The following ADAMTS6 variants were observed in gnomAD, a reference collection of about 807,000 sequenced individuals.
ADAMTS6 encodes the protein ADAM metallopeptidase with thrombospondin type 1 motif 6.
In ADAMTS6, 23 loss-of-function variants were observed where a neutral mutation model predicts 144.3. That is an observed-to-expected ratio of 0.16 (90% CI 0.11 to 0.23). The LOEUF is 0.23. Ranked by LOEUF, ADAMTS6 falls within the 10% of genes least tolerant of loss-of-function variation. ADAMTS6 has a pLI of 1.00. For missense variants in ADAMTS6, 999 were observed against 1,379.6 expected (o/e 0.72, Z 4.37); for synonymous variants, 444 against 457.5 (o/e 0.97, Z 0.38).
At chr5:65,376,667 C>CA (rs1453001932) in intron 7 of ADAMTS6, among the ~76,000 whole-genome samples, 4 of 151,756 alleles carry the variant, frequency 2.6e-5, no homozygotes, top group African/African-American at 9.7e-5. Flanking sequence ...CCCATCTCCA[C>CA]AAAAAATACA....
At position 65,470,951 on chromosome 5, in the gene ADAMTS6, G is replaced by A. The variant is rs766828105; in HGVS notation, c.289C>T (p.His97Tyr). The A allele has an allele frequency of 8.7e-6, 14 of 1,613,240 alleles. No individual in the cohort carries two copies. Among genetic ancestry groups the A allele is most frequent in the Non-Finnish European group, 1.2e-5 (14 of 1,179,700 alleles). Reference protein sequence around the residue: ...FKLSAYGKHFHLNLTLNTDFV... With the variant: ...FKLSAYGKHFYLNLTLNTDFV... The stretch of plus-strand genomic sequence containing the variant: ...TCTGTGTTGAGAGTCAAGTTTAGAT[G>A]AAAGTGCTTGCCATAGGCTGAAAGT... The change falls in exon 3 of 25, where the codon CAT (histidine) becomes TAT (tyrosine). Residue 97 changes from histidine (H) to tyrosine (Y), a missense_variant. By Grantham distance (83) the His-to-Tyr change is moderately conservative. Around this residue, in one of 3 missense-constraint regions of ADAMTS6, gnomAD observed 252 missense variants for 293.7 expected, o/e 0.86. Coordinates refer to ENST00000381055, the MANE Select transcript of ADAMTS6 (RefSeq NM_197941.4).
At chr5:65,241,809 A>G (rs191007005) in intron 15 of ADAMTS6, among the ~76,000 whole-genome samples, 1 of 152,318 alleles carries the variant, frequency 6.6e-6, no homozygotes, top group Non-Finnish European at 1.5e-5. Context: ...AGAACTCAAA[A>G]AATACTACAT....
At chr5:65,260,719 G>GTA in intron 13 of ADAMTS6, 56 bp from the exon 14 acceptor site, 1 of 1,338,666 alleles carries the variant, frequency 7.5e-7, no homozygotes, top group Non-Finnish European at 1.1e-6. Context: ...CATACAAAGA[G>GTA]TATATATATT....
intron 14 of ADAMTS6, among the ~76,000 whole-genome samples, chr5:65,252,188 C>T (rs549461548): frequency 1.3e-3 from 204 of 152,178 alleles, no homozygotes; most frequent in Non-Finnish European, 1.7e-3. Context: ...TAAAGTATTC[C>T]TTTTTGGTTG....
chr5:65,409,785 A>G (rs1344082911), intron 7 of ADAMTS6, among the ~76,000 whole-genome samples: 2 of 152,200 alleles, frequency 1.3e-5, no homozygotes. Flanking sequence ...AGCACATCAA[A>G]AAGTTTATTC....
chr5:65,289,609 A>G lies in ADAMTS6; in HGVS notation c.1512+1720T>C, dbSNP rs143953042. Among the ~76,000 whole-genome samples the G allele has an allele frequency of 2.6e-3, 396 of 152,338 alleles. 3 individuals are homozygous for G. The highest frequency in any genetic ancestry group is 9.0e-3 in the African/African-American group (376 of 41,576). On this transcript the variant is annotated intron_variant, in intron 11 of 24. Transcript: ENST00000381055. Reference sequence around the variant, plus strand: ...GTATTCTTTATCTCATTTCAAATCAATTAGTCTGAACTGAATTAGATATAT... The same window carrying G: ...GTATTCTTTATCTCATTTCAAATCAGTTAGTCTGAACTGAATTAGATATAT...
intron 9 of ADAMTS6, among the ~76,000 whole-genome samples, chr5:65,322,102 C>T (rs1056988491): frequency 2.0e-5 from 3 of 152,076 alleles, no homozygotes; most frequent in African/African-American, 7.2e-5. Flanking sequence ...GCCAGTTATC[C>T]TAGCAGCATT....
At chr5:65,452,042 A>G (rs1580739852) in intron 6 of ADAMTS6, 91 bp downstream of exon 6, 2 of 1,040,900 alleles carry the variant, frequency 1.9e-6, no homozygotes, top group Non-Finnish European at 1.3e-6. Flanking sequence ...AATAGAAGCA[A>G]TAATAAAACA....
chr5:65,428,276 T>C (rs757948908), intron 7 of ADAMTS6, among the ~76,000 whole-genome samples: 32 of 151,958 alleles, frequency 2.1e-4, no homozygotes, highest in Non-Finnish European at 3.5e-4. Context: ...ACATTTTCCT[T>C]GTTTTAAGAA....
At chr5:65,239,270 A>AG (rs1758959206) in intron 15 of ADAMTS6, among the ~76,000 whole-genome samples, 1 of 152,022 alleles carries the variant, frequency 6.6e-6, no homozygotes, top group South Asian at 2.1e-4. Context: ...GTATAAAAAA[A>AG]AAAAAAACTG....
At chr5:65,230,593 CATG>C (rs1256150941) in intron 15 of ADAMTS6, among the ~76,000 whole-genome samples, 2 of 118,268 alleles carry the variant, frequency 1.7e-5, no homozygotes, top group Non-Finnish European at 1.6e-5. Context: ...ATATATAATA[CATG>C]ATATATATGA....
intron 7 of ADAMTS6, among the ~76,000 whole-genome samples, chr5:65,391,983 G>A (rs1487445062): frequency 9.2e-5 from 14 of 152,056 alleles, no homozygotes; most frequent in South Asian, 2.1e-4. Flanking sequence ...TGATCCACCC[G>A]TCTCGGCCTC....
At chr5:65,475,218 T>C (rs1207929740) in intron 1 of ADAMTS6, among the ~76,000 whole-genome samples, 2 of 152,176 alleles carry the variant, frequency 1.3e-5, no homozygotes, top group Non-Finnish European at 2.9e-5. Context: ...AATTAACTTA[T>C]GTGAAACACT....
chr5:65,340,244 A>T lies in ADAMTS6; in HGVS notation c.1074-6159T>A, dbSNP rs1020880214. ...ATTTAAAGCACTGAAAGAAAAAAAA[A>T]ATATGCCACCAAAGAATAGTATACC... On this transcript the variant is annotated intron_variant, in intron 7 of 24. Coordinates refer to ENST00000381055, the MANE Select transcript of ADAMTS6 (RefSeq NM_197941.4). Among the ~76,000 whole-genome samples the T allele has an allele frequency of 3.3e-5, 5 of 152,238 alleles. No individual in the cohort carries two copies. In the East Asian group the frequency reaches 5.8e-4, roughly 18 times the overall value.
chr5:65,318,353 A>C (rs1472112279), intron 9 of ADAMTS6, among the ~76,000 whole-genome samples: 1 of 152,210 alleles, frequency 6.6e-6, no homozygotes, highest in African/African-American at 2.4e-5. Context: ...TAGAACTACC[A>C]TATGATCCAG....
intron 12 of ADAMTS6, among the ~76,000 whole-genome samples, chr5:65,269,093 T>C (rs1761859491): frequency 6.6e-6 from 1 of 152,202 alleles, no homozygotes; most frequent in South Asian, 2.1e-4. Flanking sequence ...CTCATGCTTA[T>C]ACTCTCTACT....
At chr5:65,194,489 G>A (rs1755212012) in intron 21 of ADAMTS6, among the ~76,000 whole-genome samples, 1 of 152,180 alleles carries the variant, frequency 6.6e-6, no homozygotes, top group African/African-American at 2.4e-5. Flanking sequence ...ATGTTCAGTA[G>A]GTTAGGTGAA....
intron 15 of ADAMTS6, among the ~76,000 whole-genome samples, chr5:65,232,771 A>AAT (rs1758360920): frequency 2.0e-5 from 3 of 152,058 alleles, no homozygotes; most frequent in Admixed American, 1.3e-4. Context: ...CCAAACATTT[A>AAT]AAGAAGAATT....
intron 14 of ADAMTS6, among the ~76,000 whole-genome samples, chr5:65,247,331 T>C (rs1759717521): frequency 6.6e-6 from 1 of 152,208 alleles, no homozygotes; most frequent in African/African-American, 2.4e-5. Flanking sequence ...CTCAATACTT[T>C]GTACTGGTAG....
Sources: allele counts gnomAD v4.1 joint callset (sites outside exome capture counted in the v4.1 genomes callset), GRCh38; gene constraint gnomAD v4.1.1; regional missense constraint gnomAD v4.1.1; transcripts MANE v1.5; gene names NCBI Gene and HGNC (gene_info 2026-07-23, HGNC 2026-07-21).